The following EPHB1 variants were observed in gnomAD, a reference collection of about 807,000 sequenced individuals.
The protein encoded by EPHB1 is ephrin type-B receptor 1.
EPHB1 carries 30 observed loss-of-function variants against 94.4 expected under a neutral mutation model. The ratio of observed to expected loss-of-function variants is 0.32; its 90% CI spans 0.24 to 0.43. The LOEUF (loss-of-function observed/expected upper bound fraction) is 0.43. Among genes scored for constraint, EPHB1 ranks in the 20% least tolerant of loss-of-function variants. EPHB1 has a pLI of 1.00. For missense variants in EPHB1, 1,055 were observed against 1,308.3 expected, an observed-to-expected ratio of 0.81 and a Z score of 2.99; for synonymous variants, 522 against 489.1, an observed-to-expected ratio of 1.07 and a Z score of -0.89.
chr3:134,797,387 G>A (rs990572993), intron 1 of EPHB1, among the ~76,000 whole-genome samples: 4 of 152,214 alleles, frequency 2.6e-5, no homozygotes, highest in Admixed American at 1.3e-4. Flanking sequence ...GCCAGGGTGA[G>A]CGCATTTGCA....
intron 3 of EPHB1, among the ~76,000 whole-genome samples, chr3:134,980,039 T>A (rs1934346911): frequency 6.6e-6 from 1 of 152,176 alleles, no homozygotes; most frequent in African/African-American, 2.4e-5. Context: ...GCAAAACACC[T>A]CAATGGTAGT....
At chr3:135,177,139 T>C (rs1168244678) in intron 9 of EPHB1, among the ~76,000 whole-genome samples, 1 of 152,156 alleles carries the variant, frequency 6.6e-6, no homozygotes, top group Non-Finnish European at 1.5e-5. Context: ...GAGGGAGATG[T>C]TACCGCCCTC....
chr3:135,259,225 G>A lies in EPHB1; in HGVS notation c.*105G>A, dbSNP rs1372102935. ...TACTGGAGAGACTGGCTTCTCAGCT[G>A]AGGAATGCATTTCCATCAGTGAAGA... On this transcript the variant is annotated 3_prime_UTR_variant, in exon 16 of 16. Coordinates refer to ENST00000398015, the MANE Select transcript of EPHB1 (RefSeq NM_004441.5). The A allele has an allele frequency of 2.7e-5, 23 of 840,662 alleles. No homozygotes were observed. The highest frequency in any genetic ancestry group is 3.9e-5 in the Non-Finnish European group (21 of 535,094). 52.1% of individuals were successfully genotyped at this position (840,662 alleles called of 1,614,324 possible).
intron 1 of EPHB1, among the ~76,000 whole-genome samples, chr3:134,803,251 A>G (rs1029305286): frequency 1.3e-5 from 2 of 152,168 alleles, no homozygotes; most frequent in African/African-American, 2.4e-5. Context: ...AAGTGACAAA[A>G]TGACTGTTTG....
intron 4 of EPHB1, among the ~76,000 whole-genome samples, chr3:135,127,077 AC>A (rs1315886487): frequency 2.0e-5 from 3 of 152,210 alleles, no homozygotes; most frequent in Non-Finnish European, 4.4e-5. Context: ...AAATTCTCTG[AC>A]CTACCATCTT....
chr3:135,099,510 T>A (rs1440499682), intron 3 of EPHB1, among the ~76,000 whole-genome samples: 1 of 152,240 alleles, frequency 6.6e-6, no homozygotes, highest in African/African-American at 2.4e-5. Flanking sequence ...AAACCCATTC[T>A]GGGAAAGCAA....
chr3:135,192,255 A>G (rs544558604), intron 10 of EPHB1, among the ~76,000 whole-genome samples: 6 of 10,488 alleles, frequency 5.7e-4, no homozygotes, highest in African/African-American at 2.9e-3. Flanking sequence ...TGACCATTTC[A>G]TTTCAATTAT....
At chr3:134,961,158 T>C (rs2107721773) in intron 3 of EPHB1, among the ~76,000 whole-genome samples, 1 of 152,322 alleles carries the variant, frequency 6.6e-6, no homozygotes, top group East Asian at 1.9e-4. Context: ...TATATGAGAT[T>C]CAGCATTTTT....
intron 1 of EPHB1, among the ~76,000 whole-genome samples, chr3:134,916,585 C>T (rs57114007): frequency 0.033 from 5,037 of 152,342 alleles, 282 homozygotes; most frequent in African/African-American, 0.11. Context: ...GGCACACCCT[C>T]CGCAGCTGCT....
chr3:135,044,112 A>AG (rs1391348861), intron 3 of EPHB1, among the ~76,000 whole-genome samples: 1 of 152,208 alleles, frequency 6.6e-6, no homozygotes, highest in Admixed American at 6.5e-5. Flanking sequence ...CACTAACTTA[A>AG]GGGGAATAAA....
rs757743061 is a variant in EPHB1, at chr3:135,166,946, C to T, written c.1699C>T (p.Arg567Trp). 1.4e-5 allele frequency: 22 copies of T among 1,614,034 alleles called. No homozygotes were observed. Among genetic ancestry groups the T allele is most frequent in the Non-Finnish European group, 1.5e-5 (18 of 1,179,948 alleles). Residue 567 changes from arginine (R) to tryptophan (W), a missense_variant, in exon 9 of 16, where the codon CGG (arginine) becomes TGG (tryptophan). By Grantham distance (101) the Arg-to-Trp change is moderately radical. Transcript: ENST00000398015. ...AGCCCCTCTTTTTATCCACAGGAAACGGGCTTATAGCAAAGAGGCTGTGTA... is the reference window on the plus strand; with the variant it reads ...AGCCCCTCTTTTTATCCACAGGAAATGGGCTTATAGCAAAGAGGCTGTGTA... ...VAISIVCSRKRAYSKEAVYSD... is the reference protein window; with the variant it reads ...VAISIVCSRKWAYSKEAVYSD...
At chr3:134,916,798 A>G (rs1041397650) in intron 1 of EPHB1, among the ~76,000 whole-genome samples, 1 of 152,186 alleles carries the variant, frequency 6.6e-6, no homozygotes, top group African/African-American at 2.4e-5. Flanking sequence ...CAGCCCAGAG[A>G]AGGGCTCCCA....
At chr3:135,180,432 G>C (rs1942122824) in intron 10 of EPHB1, among the ~76,000 whole-genome samples, 1 of 152,200 alleles carries the variant, frequency 6.6e-6, no homozygotes, top group Admixed American at 6.5e-5. Flanking sequence ...AGACCATGAT[G>C]AATAGAAGAG....
intron 3 of EPHB1, among the ~76,000 whole-genome samples, chr3:135,092,880 G>A (rs755160903): frequency 6.6e-6 from 1 of 152,190 alleles, no homozygotes; most frequent in East Asian, 1.9e-4. Flanking sequence ...TCCCGCCTTA[G>A]CCTCCCAAAG....
intron 1 of EPHB1, among the ~76,000 whole-genome samples, chr3:134,824,799 A>G (rs964549733): frequency 1.3e-5 from 2 of 152,136 alleles, no homozygotes. Context: ...TGGGTACTTC[A>G]ATTGACAGCC....
chr3:135,168,828 A>G (rs1941726410), intron 9 of EPHB1, among the ~76,000 whole-genome samples: 1 of 152,234 alleles, frequency 6.6e-6, no homozygotes. Context: ...AAGTGGAGCC[A>G]GGACCATAAG....
chr3:135,165,832 G>T, intron 7 of EPHB1, 136 bp from the exon 8 acceptor site: 1 of 569,784 alleles, frequency 1.8e-6, no homozygotes, highest in South Asian at 3.2e-5. Context: ...GTTTTGGTTA[G>T]ACTTACAACT....
intron 1 of EPHB1, among the ~76,000 whole-genome samples, chr3:134,850,201 C>T (rs1319424913): frequency 6.6e-6 from 1 of 152,354 alleles, no homozygotes; most frequent in East Asian, 1.9e-4. Flanking sequence ...TCTTAAAAGG[C>T]CTCTTTCTTT....
At chr3:134,903,369 T>C (rs898274084) in intron 1 of EPHB1, among the ~76,000 whole-genome samples, 2 of 152,196 alleles carry the variant, frequency 1.3e-5, no homozygotes, top group Non-Finnish European at 2.9e-5. Context: ...GTGTATGGAA[T>C]GAGAGAGGCT....
Sources: gnomAD v4.1 joint callset for allele counts (sites outside exome capture counted in the v4.1 genomes callset) on GRCh38, gnomAD v4.1.1 for gene constraint, MANE v1.5 for transcripts, NCBI Gene and HGNC (gene_info 2026-07-23, HGNC 2026-07-21) for gene names.